Variants in CAPRIN2 observed in about 807,000 individuals in gnomAD.
CAPRIN2 encodes caprin family member 2.
CAPRIN2 carries 66 observed loss-of-function variants against 130.4 expected under a neutral mutation model. The ratio of observed to expected loss-of-function variants is 0.51; its 90% CI spans 0.42 to 0.62. The LOEUF (loss-of-function observed/expected upper bound fraction) is 0.62. CAPRIN2 is among the 20% of genes least tolerant of loss of function. The probability of loss-of-function intolerance (pLI) is 0.00; values close to 1 mark genes in which losing one functional copy is unlikely to be tolerated. For missense variants in CAPRIN2, 1,185 were observed against 1,246.6 expected (o/e 0.95, Z 0.74); for synonymous variants, 471 against 444.1 (o/e 1.06, Z -0.76).
chr12:30,711,441 A>C, intron 16 of CAPRIN2, 125 bp downstream of exon 18: 2 of 756,004 alleles, frequency 2.6e-6, no homozygotes, highest in Non-Finnish European at 4.5e-6. Context: ...ACATTCAAGC[A>C]AATTGAAAAC....
intron 2 of CAPRIN2, among the ~76,000 whole-genome samples, chr12:30,744,350 A>G (rs778937734): frequency 3.3e-5 from 5 of 152,188 alleles, no homozygotes; most frequent in African/African-American, 7.2e-5. Flanking sequence ...CTGCTTAAAC[A>G]TATCTGTACC....
chr12:30,728,012 G>A (rs1331767852), intron 8 of CAPRIN2, among the ~76,000 whole-genome samples: 1 of 152,120 alleles, frequency 6.6e-6, no homozygotes, highest in African/African-American at 2.4e-5. Flanking sequence ...CTCCCATCCT[G>A]TGACAAGCAT....
In CAPRIN2 at chr12:30,711,527, T is replaced by C. The variant is rs777784752; in HGVS notation, c.2665+39A>G. ...GAGGATGCAGAAAGAACTAGAGACA[T>C]GTGCTGGGTAAGAAAACTATTCAGC... On this transcript the variant is annotated intron_variant, in intron 16 of 16. Transcript: ENST00000298892. 3.4e-6 allele frequency: 5 copies of C among 1,478,486 alleles called. No individual in the cohort carries two copies. In the South Asian group the frequency reaches 3.4e-5, roughly 10 times the overall value. 91.6% of individuals were successfully genotyped at this position (1,478,486 alleles called of 1,614,324 possible).
intron 10 of CAPRIN2, among the ~76,000 whole-genome samples, chr12:30,723,931 G>A (rs1565591390): frequency 6.6e-6 from 1 of 152,152 alleles, no homozygotes; most frequent in Non-Finnish European, 1.5e-5. Context: ...AAAAGCCCAA[G>A]CTTTGAAGCA....
At chr12:30,715,089 A>C in exon 14 of CAPRIN2, 4 of 1,614,088 alleles carry the variant, frequency 2.5e-6, no homozygotes, top group Non-Finnish European at 3.4e-6. Flanking sequence ...GTGCTGGGTA[A>C]AAGGCAAGGC....
At chr12:30,729,803 A>C (rs1413478509) in intron 7 of CAPRIN2, among the ~76,000 whole-genome samples, 1 of 152,208 alleles carries the variant, frequency 6.6e-6, no homozygotes, top group African/African-American at 2.4e-5. Flanking sequence ...TGAATCTCCC[A>C]TTCTTTTCAG....
intron 15 of CAPRIN2, among the ~76,000 whole-genome samples, chr12:30,711,943 A>G (rs1022295707): frequency 2.6e-5 from 4 of 152,228 alleles, no homozygotes; most frequent in Non-Finnish European, 5.9e-5. Flanking sequence ...TAAATGTGGC[A>G]TGGTCCTCTG....
In CAPRIN2 at chr12:30,715,150, G is replaced by GA; in HGVS notation, c.2318-10dup. On this transcript the variant is annotated splice_polypyrimidine_tract_variant and intron_variant, in intron 13 of 16. Coordinates refer to ENST00000298892, the Ensembl canonical transcript of CAPRIN2. Reference sequence around the variant, plus strand: ...ATCAGGATGATAATTTGCTGCTTAAGAAAAACGATTTTAGGGTCCAAGAGT... The same window carrying GA: ...ATCAGGATGATAATTTGCTGCTTAAGAAAAAACGATTTTAGGGTCCAAGAGT... 1 of 1,612,740 alleles carries GA rather than the reference G, an allele frequency of 6.2e-7. No individual in the cohort carries two copies. Among genetic ancestry groups the GA allele is most frequent in the South Asian group, 1.1e-5 (1 of 90,994 alleles).
At chr12:30,731,959 GTAAT>G (rs1309239074) in intron 5 of CAPRIN2, among the ~76,000 whole-genome samples, 2 of 151,928 alleles carry the variant, frequency 1.3e-5, no homozygotes, top group Non-Finnish European at 2.9e-5. Context: ...CCTTCCCCAA[GTAAT>G]TAAGGCTTTA....
Position 30,725,989 on chromosome 12 carries a change from G to A in CAPRIN2, c.1882C>T (p.Gln628Ter). Reference sequence around the variant, plus strand: ...ACTTGCATAAAGTTACAAGTTCCTTGAATCTGAGTCATCAGATCCTGCAGT... The same window carrying A: ...ACTTGCATAAAGTTACAAGTTCCTTAAATCTGAGTCATCAGATCCTGCAGT... The change falls in exon 9 of 17, where the codon CAA (glutamine) becomes TAA (stop). Residue 628 changes from glutamine (Q) to a stop codon, truncating the protein, a stop_gained. Transcript: ENST00000298892. LOFTEE classifies it high-confidence loss of function. 6.3e-7 allele frequency: 1 copy of A among 1,595,444 alleles called. No individual in the cohort carries two copies. The highest frequency in any genetic ancestry group is 8.5e-7 in the Non-Finnish European group (1 of 1,171,188).
At chr12:30,737,400 T>C (rs1286888387) in intron 3 of CAPRIN2, among the ~76,000 whole-genome samples, 1 of 152,116 alleles carries the variant, frequency 6.6e-6, no homozygotes, top group Non-Finnish European at 1.5e-5. Context: ...CTCAAATTTT[T>C]GTTGAATAAA....
chr12:30,713,633 C>A, intron 15 of CAPRIN2, 152 bp downstream of exon 17: 1 of 476,764 alleles, frequency 2.1e-6, no homozygotes. Context: ...CAAAAACTTC[C>A]AACTCAACTC....
chr12:30,729,144 T>A, exon 8 of CAPRIN2: 1 of 1,614,086 alleles, frequency 6.2e-7, no homozygotes, highest in Non-Finnish European at 8.5e-7. Context: ...TACCTCCTGG[T>A]GCTTACCAGA....
chr12:30,726,138 C>A, intron 8 of CAPRIN2, 50 bp from the exon 10 acceptor site: 1 of 1,343,976 alleles, frequency 7.4e-7, no homozygotes. Context: ...ATTCAAGAGC[C>A]TAATCTAGGA....
chr12:30,752,924 TA>T (rs1355656433), intron 1 of CAPRIN2, among the ~76,000 whole-genome samples: 1 of 152,084 alleles, frequency 6.6e-6, no homozygotes. Context: ...AAGTAAGTGG[TA>T]AAACATTTTC....
intron 3 of CAPRIN2, 115 bp downstream of exon 4, chr12:30,740,905 G>A (rs2067162196): frequency 3.1e-6 from 2 of 644,100 alleles, no homozygotes. Flanking sequence ...TAAAATATCA[G>A]CAGAAATTAG....
At chr12:30,738,086 C>T (rs1187949337) in intron 3 of CAPRIN2, among the ~76,000 whole-genome samples, 1 of 151,984 alleles carries the variant, frequency 6.6e-6, no homozygotes, top group Non-Finnish European at 1.5e-5. Context: ...AAAAGAAAAA[C>T]TTAAAAGAGG....
At chr12:30,722,714 G>A (rs542907308) in intron 11 of CAPRIN2, among the ~76,000 whole-genome samples, 43 of 152,100 alleles carry the variant, frequency 2.8e-4, no homozygotes, top group African/African-American at 1.0e-3. Context: ...GCCTGGCCAA[G>A]ATGGTGAAAC....
At position 30,753,485 on chromosome 12, in the gene CAPRIN2, C is replaced by A. The variant is rs1013721872; in HGVS notation, c.279G>T (p.Gln93His). The A allele has an allele frequency of 2.6e-5, 42 of 1,614,086 alleles. No homozygotes were observed. Among genetic ancestry groups the A allele is most frequent in the Non-Finnish European group, 3.0e-5 (35 of 1,180,054 alleles). ...TCAAGGCCCGCTGGCTTTCCCCATG[C>A]TGACTGTGGTTCACTTGGGGCTTGG... The change falls in exon 1 of 17, where the codon CAG (glutamine) becomes CAT (histidine). Residue 93 changes from glutamine (Q) to histidine (H), a missense_variant. Coordinates refer to ENST00000298892, the Ensembl canonical transcript of CAPRIN2.
Sources: gnomAD v4.1 joint callset for allele counts (sites outside exome capture counted in the v4.1 genomes callset) on GRCh38, gnomAD v4.1.1 for gene constraint, MANE v1.5 for transcripts, NCBI Gene and HGNC (gene_info 2026-07-23, HGNC 2026-07-21) for gene names.